The following GNAI3 variants were observed in gnomAD, a reference collection of about 807,000 sequenced individuals.
The protein encoded by GNAI3 is guanine nucleotide-binding protein G(i) subunit alpha-3.
A neutral mutation model predicts 41.8 loss-of-function variants in GNAI3; 12 were observed. The ratio of observed to expected loss-of-function variants is 0.29; its 90% confidence interval spans 0.18 to 0.47. The LOEUF is 0.47. Ranked by LOEUF, GNAI3 falls within the 20% of genes least tolerant of loss-of-function variation. The pLI is 1.00. For missense variants in GNAI3, 360 were observed against 429.6 expected, an observed-to-expected ratio of 0.84 and a Z score of 1.43; for synonymous variants, 132 against 146.5, an observed-to-expected ratio of 0.90 and a Z score of 0.71.
Position 109,598,948 on chromosome 1 carries a change from C to A in GNAI3, c.*6626C>A. The A allele has an allele frequency of 1.9e-6, 1 of 534,972 alleles. No individual in the cohort carries two copies. The highest frequency in any genetic ancestry group is 3.8e-6 in the Non-Finnish European group (1 of 260,066). The allele number at this position is 534,972 out of a possible 1,614,324, so 33.1% of individuals were successfully genotyped here. Reference sequence around the variant, plus strand: ...GTAAGAGCTCTTCACCCTTCACCACCTTCTCCACCCAGCATGGCCGGCACA... The same window carrying A: ...GTAAGAGCTCTTCACCCTTCACCACATTCTCCACCCAGCATGGCCGGCACA... On this transcript the variant is annotated 3_prime_UTR_variant, in exon 9 of 9. Coordinates refer to ENST00000369851, the MANE Select transcript of GNAI3 (RefSeq NM_006496.4).
At chr1:109,591,761 C>T (rs1458751533) in intron 7 of GNAI3, 2 of 369,766 alleles carry the variant, frequency 5.4e-6, no homozygotes, top group Non-Finnish European at 9.7e-6. Flanking sequence ...TTTATACTTT[C>T]TAGATTTTTT....
chr1:109,571,989 C>G (rs495562), intron 1 of GNAI3, among the ~76,000 whole-genome samples: 62,524 of 151,886 alleles, frequency 0.41, 15,223 homozygotes, highest in African/African-American at 0.68. Context: ...CAAGGAGGGA[C>G]CCCTGAAGCA....
At chr1:109,570,548 G>A (rs1299143575) in intron 1 of GNAI3, among the ~76,000 whole-genome samples, 1 of 152,188 alleles carries the variant, frequency 6.6e-6, no homozygotes, top group East Asian at 1.9e-4. Flanking sequence ...AGACTGTGAC[G>A]GGGTGGGAGC....
Position 109,595,826 on chromosome 1 carries a change from T to G in GNAI3, c.*3504T>G, listed in dbSNP as rs576643068. The G allele has an allele frequency of 8.2e-5, 12 of 146,488 alleles. No individual in the cohort carries two copies. The highest frequency in any genetic ancestry group is 3.0e-4 in the African/African-American group (11 of 36,698). The allele number at this position is 146,488 out of a possible 1,614,324, so 9.1% of individuals were successfully genotyped here. A position where few individuals can be genotyped will look rare whatever the true frequency, so the allele number is the denominator to read the frequency against. ...CCATTGATTATTTTCCCTTTTTACA[T>G]GTTCAAAAAAAAAAAAATAAGCAAC... On this transcript the variant is annotated 3_prime_UTR_variant, in exon 9 of 9. Transcript: ENST00000369851.
chr1:109,600,165 A>G lies in GNAI3; in HGVS notation c.*7843A>G, dbSNP rs1649404994. The G allele has an allele frequency of 6.6e-6, 1 of 152,152 alleles. No homozygotes were observed. Among genetic ancestry groups the G allele is most frequent in the African/African-American group, 2.4e-5 (1 of 41,454 alleles). 9.4% of individuals were successfully genotyped at this position (152,152 alleles called of 1,614,324 possible). A position where few individuals can be genotyped will look rare whatever the true frequency, so the allele number is the denominator to read the frequency against. Reference sequence around the variant, plus strand: ...AAAAACTTGATGGCTTAAAGTAAATAAAAATTCAACAGTACGGTGTAAATT... The same window carrying G: ...AAAAACTTGATGGCTTAAAGTAAATGAAAATTCAACAGTACGGTGTAAATT... On this transcript the variant is annotated 3_prime_UTR_variant, in exon 9 of 9. Coordinates refer to ENST00000369851, the MANE Select transcript of GNAI3 (RefSeq NM_006496.4).
intron 1 of GNAI3, among the ~76,000 whole-genome samples, chr1:109,568,553 A>G (rs1239083482): frequency 6.6e-6 from 1 of 152,174 alleles, no homozygotes; most frequent in East Asian, 1.9e-4. Flanking sequence ...CTCAAAACAA[A>G]AAACAAACAA....
intron 1 of GNAI3, among the ~76,000 whole-genome samples, chr1:109,555,245 A>G (rs1648109412): frequency 6.6e-6 from 1 of 152,216 alleles, no homozygotes; most frequent in Non-Finnish European, 1.5e-5. Flanking sequence ...AGCAAAAAGA[A>G]CAAACCTAGA....
At chr1:109,553,593 A>G (rs1055801139) in intron 1 of GNAI3, among the ~76,000 whole-genome samples, 3 of 152,172 alleles carry the variant, frequency 2.0e-5, no homozygotes, top group African/African-American at 4.8e-5. Flanking sequence ...TGCTTGGGAT[A>G]AGGTTCATGG....
chr1:109,574,885 A>G (rs148508356), intron 3 of GNAI3, among the ~76,000 whole-genome samples: 2 of 152,370 alleles, frequency 1.3e-5, no homozygotes, highest in Non-Finnish European at 2.9e-5. Context: ...CTATATGTCT[A>G]TGAAGTTGCT....
chr1:109,580,032 C>T (rs1028137246), intron 4 of GNAI3, among the ~76,000 whole-genome samples: 17 of 152,316 alleles, frequency 1.1e-4, no homozygotes, highest in Admixed American at 9.8e-4. Context: ...GACGGAGTCT[C>T]GCTCTGTCGC....
chr1:109,592,351 C>G lies in GNAI3; in HGVS notation c.*29C>G. On this transcript the variant is annotated 3_prime_UTR_variant, in exon 9 of 9. Coordinates refer to ENST00000369851, the MANE Select transcript of GNAI3 (RefSeq NM_006496.4). ...GAATATTCTTCTCTTCTAGTTACTA[C>G]AGTGTGGAGTGTTGAGACCAGACAC... 3.0e-6 allele frequency: 2 copies of G among 669,774 alleles called. No homozygotes were observed. Among genetic ancestry groups the G allele is most frequent in the South Asian group, 2.0e-5 (1 of 48,888 alleles). 41.5% of individuals were successfully genotyped at this position (669,774 alleles called of 1,614,324 possible). A position where few individuals can be genotyped will look rare whatever the true frequency, so the allele number is the denominator to read the frequency against.
intron 4 of GNAI3, among the ~76,000 whole-genome samples, chr1:109,579,833 A>G (rs1467781885): frequency 6.6e-6 from 1 of 152,242 alleles, no homozygotes; most frequent in Non-Finnish European, 1.5e-5. Context: ...TTGTATAGAA[A>G]GAGAAGGTTG....
intron 3 of GNAI3, among the ~76,000 whole-genome samples, chr1:109,577,648 T>G (rs1458428216): frequency 1.3e-5 from 2 of 152,060 alleles, no homozygotes; most frequent in African/African-American, 4.8e-5. Context: ...AGAAGCTAAA[T>G]GAGAGTGGGT....
chr1:109,576,887 A>G (rs1030028671), intron 3 of GNAI3, among the ~76,000 whole-genome samples: 18 of 152,274 alleles, frequency 1.2e-4, no homozygotes, highest in Non-Finnish European at 2.4e-4. Context: ...AGGTCAGTGG[A>G]AGAAATTAAG....
At chr1:109,581,278 A>T (rs1648883128) in intron 4 of GNAI3, among the ~76,000 whole-genome samples, 1 of 151,308 alleles carries the variant, frequency 6.6e-6, no homozygotes. Flanking sequence ...TTTGATTTAG[A>T]TTAAAAAAAA....
chr1:109,599,295 A>C lies in GNAI3; in HGVS notation c.*6973A>C, dbSNP rs1446244544. On this transcript the variant is annotated 3_prime_UTR_variant, in exon 9 of 9. Coordinates refer to ENST00000369851, the MANE Select transcript of GNAI3 (RefSeq NM_006496.4). ...TTAAGTGTACAGTTCAGTGGCATTA[A>C]GTACATTCACACTGTTGCACAGCCA... The C allele has an allele frequency of 6.0e-6, 1 of 166,180 alleles. No homozygotes were observed. The highest frequency in any genetic ancestry group is 1.3e-5 in the Non-Finnish European group (1 of 75,866). The allele number at this position is 166,180 out of a possible 1,614,324, so 10.3% of individuals were successfully genotyped here. A position where few individuals can be genotyped will look rare whatever the true frequency, so the allele number is the denominator to read the frequency against.
At chr1:109,577,138 C>T (rs980390847) in intron 3 of GNAI3, among the ~76,000 whole-genome samples, 5 of 151,594 alleles carry the variant, frequency 3.3e-5, no homozygotes, top group Non-Finnish European at 5.9e-5. Context: ...CCATACCTTG[C>T]ATATGTACAA....
rs1649169519 is a variant in GNAI3, at chr1:109,591,482, T to C, written c.875-561T>C. 5 of 1,036,298 alleles carry C rather than the reference T, an allele frequency of 4.8e-6. No individual in the cohort carries two copies. In the South Asian group the frequency reaches 5.2e-5, roughly 11 times the overall value. 64.2% of individuals were successfully genotyped at this position (1,036,298 alleles called of 1,614,324 possible). A position where few individuals can be genotyped will look rare whatever the true frequency, so the allele number is the denominator to read the frequency against. On this transcript the variant is annotated intron_variant, in intron 7 of 8. Transcript: ENST00000369851. ...TGATCCTTTCTAGTTGGAGACACTT[T>C]GTAGCAGAGTAATATTATCTCCTTT...
intron 1 of GNAI3, among the ~76,000 whole-genome samples, chr1:109,555,097 C>G (rs1206243611): frequency 6.6e-6 from 1 of 152,120 alleles, no homozygotes; most frequent in African/African-American, 2.4e-5. Flanking sequence ...GTGAAAATGA[C>G]CATACTGCCA....
Sources: gnomAD v4.1 joint callset for allele counts (sites outside exome capture counted in the v4.1 genomes callset) on GRCh38, gnomAD v4.1.1 for gene constraint, MANE v1.5 for transcripts, NCBI Gene and HGNC (gene_info 2026-07-23, HGNC 2026-07-21) for gene names.